Variants in SLC16A2 observed in about 807,000 individuals in gnomAD.
The protein encoded by SLC16A2 is monocarboxylate transporter 8.
A neutral mutation model predicts 27.2 loss-of-function variants in SLC16A2; 3 were observed. The ratio of observed to expected loss-of-function variants is 0.11; its 90% CI spans 0.05 to 0.28. The LOEUF (loss-of-function observed/expected upper bound fraction) is 0.28. Ranked by LOEUF, SLC16A2 falls within the 10% of genes least tolerant of loss-of-function variation. SLC16A2 has a pLI of 1.00. For synonymous variants in SLC16A2, 202 were observed against 187.8 expected, an observed-to-expected ratio of 1.08 and a Z score of -0.62; for missense variants, 295 against 458.5, an observed-to-expected ratio of 0.64 and a Z score of 3.26.
At chrX:74,448,855 G>A (rs757130481) in intron 1 of SLC16A2, among the ~76,000 whole-genome samples, 3 of 111,364 alleles carry the variant, frequency 2.7e-5, no homozygotes, top group South Asian at 3.8e-4. Context: ...GCAGCCTTAC[G>A]TGCAGCGATA....
In SLC16A2 at chrX:74,455,749, A is replaced by G. The variant is rs189796695; in HGVS notation, c.430+33682A>G. Among the ~76,000 whole-genome samples, 24 of 111,670 alleles carry G rather than the reference A, an allele frequency of 2.1e-4. No individual in the cohort carries two copies. The East Asian group carries it at 6.5e-3, about 30-fold the overall frequency. ...GAGCAGTCAGTAGTAGTTCTGTGGTATGTGCAGGAGTATAGTGTGTGGGAG... is the reference window on the plus strand; with the variant it reads ...GAGCAGTCAGTAGTAGTTCTGTGGTGTGTGCAGGAGTATAGTGTGTGGGAG... On this transcript the variant is annotated intron_variant, in intron 1 of 5. Coordinates refer to ENST00000587091, the MANE Select transcript of SLC16A2 (RefSeq NM_006517.5).
At chrX:74,468,914 T>A (rs369887486) in intron 1 of SLC16A2, among the ~76,000 whole-genome samples, 1 of 111,490 alleles carries the variant, frequency 9.0e-6, no homozygotes, top group East Asian at 2.8e-4. Context: ...AAAAACTAGA[T>A]CTTATTCCTT....
In SLC16A2 at chrX:74,421,821, G is replaced by T. The variant is rs1928303409; in HGVS notation, c.184G>T (p.Ala62Ser). The change falls in exon 1 of 6, where the codon GCA (alanine) becomes TCA (serine). Residue 62 changes from alanine to serine, a missense_variant. By Grantham distance (99) the Ala-to-Ser change is moderately conservative. Coordinates refer to ENST00000587091, the MANE Select transcript of SLC16A2 (RefSeq NM_006517.5). ...QPEPQPLPDPAPLPELEFESE... is the reference protein window; with the variant it reads ...QPEPQPLPDPSPLPELEFESE... ...GGAGCCCCAGCCCCTACCGGACCCCGCACCCCTGCCGGAGCTGGAGTTCGA... is the reference window on the plus strand; with the variant it reads ...GGAGCCCCAGCCCCTACCGGACCCCTCACCCCTGCCGGAGCTGGAGTTCGA... 2 of 1,180,205 alleles carry T rather than the reference G, an allele frequency of 1.7e-6. No individual in the cohort carries two copies. Among genetic ancestry groups the T allele is most frequent in the African/African-American group, 3.5e-5 (2 of 56,644 alleles).
chrX:74,480,930 T>C (rs1415801567), intron 1 of SLC16A2, among the ~76,000 whole-genome samples: 1 of 112,414 alleles, frequency 8.9e-6, no homozygotes, highest in Non-Finnish European at 1.9e-5. Context: ...AATGTTTTTA[T>C]TGTGAAAGAA....
At chrX:74,508,246 A>G (rs897294374) in intron 1 of SLC16A2, among the ~76,000 whole-genome samples, 2 of 112,134 alleles carry the variant, frequency 1.8e-5, no homozygotes, top group Non-Finnish European at 3.8e-5. Context: ...GCAAAATTCT[A>G]TCAAAAAAAC....
intron 1 of SLC16A2, among the ~76,000 whole-genome samples, chrX:74,477,470 C>T (rs913677020): frequency 1.8e-5 from 2 of 111,584 alleles, no homozygotes; most frequent in Non-Finnish European, 3.8e-5. Context: ...GTTTTTGTGT[C>T]TCTATCTCCT....
At chrX:74,422,303 C>A (rs1204156083) in intron 1 of SLC16A2, among the ~76,000 whole-genome samples, 1 of 112,290 alleles carries the variant, frequency 8.9e-6, no homozygotes. Context: ...GGGGTACGAA[C>A]TGGGACATTC....
chrX:74,475,668 G>A (rs1929461739), intron 1 of SLC16A2, among the ~76,000 whole-genome samples: 1 of 111,903 alleles, frequency 8.9e-6, no homozygotes, highest in Non-Finnish European at 1.9e-5. Flanking sequence ...TAAGGTGTAA[G>A]GAAGGGATCC....
chrX:74,477,344 T>A (rs1929503400), intron 1 of SLC16A2, among the ~76,000 whole-genome samples: 2 of 111,855 alleles, frequency 1.8e-5, no homozygotes, highest in South Asian at 7.4e-4. Flanking sequence ...ATCATTTTTT[T>A]ATTGCATCTA....
At chrX:74,452,510 T>C (rs1928961012) in intron 1 of SLC16A2, among the ~76,000 whole-genome samples, 1 of 111,616 alleles carries the variant, frequency 9.0e-6, no homozygotes. Context: ...TAATATGCAC[T>C]AGAAAATTTC....
At chrX:74,491,642 G>A in intron 1 of SLC16A2, among the ~76,000 whole-genome samples, 1 of 112,138 alleles carries the variant, frequency 8.9e-6, no homozygotes, top group African/African-American at 3.2e-5. Context: ...GGCTGAGGAG[G>A]AAGTCCATTC....
intron 1 of SLC16A2, chrX:74,473,406 G>C (rs1929397714): frequency 1.9e-6 from 1 of 540,285 alleles, no homozygotes; most frequent in African/African-American, 2.2e-5. Context: ...TGCTTTGACA[G>C]GGCTTTCCTA....
chrX:74,496,508 A>G (rs748185683), intron 1 of SLC16A2, among the ~76,000 whole-genome samples: 1 of 112,108 alleles, frequency 8.9e-6, no homozygotes, highest in South Asian at 3.7e-4. Context: ...GCAGGGGCAG[A>G]TGCTCAAGAG....
chrX:74,467,937 T>A (rs1929283399), intron 1 of SLC16A2, among the ~76,000 whole-genome samples: 2 of 111,384 alleles, frequency 1.8e-5, no homozygotes, highest in Admixed American at 9.6e-5. Flanking sequence ...CATACCTTCT[T>A]CATTCACACC....
At chrX:74,446,021 A>T (rs59600647) in intron 1 of SLC16A2, among the ~76,000 whole-genome samples, 2,371 of 111,534 alleles carry the variant, frequency 0.021, 60 homozygotes, top group African/African-American at 0.074. Flanking sequence ...TCCCACAGGA[A>T]GCCTCCAAGC....
chrX:74,479,453 T>C (rs1290024575), intron 1 of SLC16A2, among the ~76,000 whole-genome samples: 1 of 112,061 alleles, frequency 8.9e-6, no homozygotes. Context: ...CTCGGAGTAG[T>C]TTGATCTTCT....
chrX:74,477,778 T>C (rs543173127), intron 1 of SLC16A2, among the ~76,000 whole-genome samples: 5 of 112,300 alleles, frequency 4.5e-5, no homozygotes, highest in African/African-American at 1.6e-4. Flanking sequence ...AGTTTCCATG[T>C]AGTTGAGTGG....
chrX:74,486,784 A>G (rs1179474709), intron 1 of SLC16A2, among the ~76,000 whole-genome samples: 1 of 112,161 alleles, frequency 8.9e-6, no homozygotes, highest in African/African-American at 3.2e-5. Flanking sequence ...ACACATGCAC[A>G]TGTATGTTTA....
At chrX:74,523,739 C>T (rs1017210456) in intron 2 of SLC16A2, among the ~76,000 whole-genome samples, 10 of 111,995 alleles carry the variant, frequency 8.9e-5, no homozygotes, top group African/African-American at 2.6e-4. Context: ...TAATGATTCC[C>T]GCTGAGATCG....
Sources: gnomAD v4.1 joint callset for allele counts (sites outside exome capture counted in the v4.1 genomes callset) on GRCh38, gnomAD v4.1.1 for gene constraint, MANE v1.5 for transcripts, NCBI Gene and HGNC (gene_info 2026-07-23, HGNC 2026-07-21) for gene names.